Variants in ZNF717 observed in about 807,000 individuals in gnomAD.
The protein encoded by ZNF717 is krueppel-like factor X17.
A neutral mutation model predicts 13.8 loss-of-function variants in ZNF717; 9 were observed. That is an observed-to-expected ratio of 0.65 (90% CI 0.39 to 1.14). ZNF717 has a LOEUF of 1.14. ZNF717 is among the 50% of genes most tolerant of loss of function. The probability of loss-of-function intolerance (pLI) is 0.01; values close to 1 mark genes in which losing one functional copy is unlikely to be tolerated. For missense variants in ZNF717, 1,040 were observed against 1,080.7 expected (o/e 0.96, Z 0.53); for synonymous variants, 327 against 364.1 (o/e 0.90, Z 1.16).
chr3:75,784,721 A>C (rs1178962213), intron 1 of ZNF717: 1 of 152,212 alleles, frequency 6.6e-6, no homozygotes, highest in Non-Finnish European at 1.5e-5. Flanking sequence ...AGTCTTTGCA[A>C]ATCTTGTGCA....
chr3:75,731,543 A>G (rs1938551016), downstream of ZNF717, among the ~76,000 whole-genome samples: 1 of 148,058 alleles, frequency 6.8e-6, no homozygotes, highest in Admixed American at 6.9e-5. Flanking sequence ...CCTGAGCAAC[A>G]AAGTGAGAGT....
intron 6 of ZNF717, among the ~76,000 whole-genome samples, chr3:75,700,388 ATC>A (rs1456419218): frequency 3.5e-3 from 178 of 51,428 alleles, no homozygotes; most frequent in Admixed American, 4.4e-3. Context: ...GTGAGACACC[ATC>A]GAAAAAAAAA....
At chr3:75,774,200 A>AAAAAGAAAGAAAG (rs1227599777) in intron 2 of ZNF717, among the ~76,000 whole-genome samples, 265 of 142,598 alleles carry the variant, frequency 1.9e-3, no homozygotes, top group African/African-American at 4.8e-3. Flanking sequence ...AAAAAAAAAA[A>AAAAAGAAAGAAAG]AAAGGAAAAA....
Position 75,783,375 on chromosome 3 carries a change from A to T in ZNF717, c.-2-11T>A. 1 of 1,550,370 alleles carries T rather than the reference A, an allele frequency of 6.5e-7. No individual in the cohort carries two copies. Among genetic ancestry groups the T allele is most frequent in the South Asian group, 1.2e-5 (1 of 84,020 alleles). On this transcript the variant is annotated splice_polypyrimidine_tract_variant and intron_variant, in intron 1 of 4. Transcript: ENST00000652011. ...ACACTGGAAACATAGCTGAGAGAGA[A>T]GGCAAATGACGTGAATTAAGGAGAG...
chr3:75,760,393 A>G (rs1041686074), intron 2 of ZNF717, among the ~76,000 whole-genome samples: 3 of 152,250 alleles, frequency 2.0e-5, no homozygotes, highest in Non-Finnish European at 4.4e-5. Flanking sequence ...TGCTTAAAAT[A>G]TTATAAAAAC....
At chr3:75,758,142 A>G (rs1346121706) in intron 2 of ZNF717, among the ~76,000 whole-genome samples, 2 of 147,422 alleles carry the variant, frequency 1.4e-5, no homozygotes, top group Admixed American at 1.4e-4. Context: ...AAAAAGAGAG[A>G]GAGATAAGTT....
chr3:75,702,650 G>T (rs1273368348), intron 6 of ZNF717, among the ~76,000 whole-genome samples: 25 of 151,626 alleles, frequency 1.6e-4, no homozygotes, highest in Admixed American at 3.9e-4. Context: ...AGCTATAAAT[G>T]CTTGAGGGAT....
At chr3:75,695,579 T>C (rs1308872654) in intron 6 of ZNF717, among the ~76,000 whole-genome samples, 17 of 151,938 alleles carry the variant, frequency 1.1e-4, no homozygotes, top group Admixed American at 3.9e-4. Flanking sequence ...ATATGTTAAG[T>C]AACAAGTCTA....
chr3:75,696,594 C>T (rs1937605383), intron 6 of ZNF717, among the ~76,000 whole-genome samples: 1 of 151,362 alleles, frequency 6.6e-6, no homozygotes, highest in Non-Finnish European at 1.5e-5. Context: ...TGATACATCA[C>T]ATAAACAGAA....
chr3:75,727,158 T>C (rs368290359), downstream of ZNF717, among the ~76,000 whole-genome samples: 7 of 152,384 alleles, frequency 4.6e-5, no homozygotes, highest in African/African-American at 1.4e-4. Context: ...AATCCCGTCA[T>C]CTTCATAAGC....
chr3:75,762,437 T>A (rs1943113913), intron 2 of ZNF717, among the ~76,000 whole-genome samples: 1 of 80,814 alleles, frequency 1.2e-5, no homozygotes, highest in South Asian at 3.3e-4. Flanking sequence ...CAAGACTCCA[T>A]CTCAAAAAAA....
At chr3:75,715,360 TTTAAA>T (rs1938025887) in intron 5 of ZNF717, among the ~76,000 whole-genome samples, 1 of 152,226 alleles carries the variant, frequency 6.6e-6, no homozygotes, top group South Asian at 2.1e-4. Flanking sequence ...TTTCAGCGGT[TTTAAA>T]TTATTTATAA....
rs548653327 is a variant in ZNF717, at chr3:75,785,401, C to A, written c.-20G>T. 273 of 153,204 alleles carry A rather than the reference C, an allele frequency of 1.8e-3. No individual in the cohort carries two copies. The highest frequency in any genetic ancestry group is 5.9e-3 in the African/African-American group (246 of 41,600). The allele number at this position is 153,204 out of a possible 1,614,324, so 9.5% of individuals were successfully genotyped here. The stretch of plus-strand genomic sequence containing the variant: ...GCCTGCACCTGCACTTCAGGCCCTG[C>A]CCGCCCGCGATGCGCCCACGCGTCT... On this transcript the variant is annotated 5_prime_UTR_variant, in exon 1 of 5. Coordinates refer to ENST00000652011, the MANE Select transcript of ZNF717 (RefSeq NM_001290208.3).
chr3:75,707,563 T>C (rs1267899307), downstream of ZNF717, among the ~76,000 whole-genome samples: 3 of 152,274 alleles, frequency 2.0e-5, no homozygotes, highest in African/African-American at 7.2e-5. Flanking sequence ...CCATTTGAGG[T>C]ACCGGGTTCA....
chr3:75,746,224 T>C (rs2107294580), intron 2 of ZNF717, among the ~76,000 whole-genome samples: 1 of 152,342 alleles, frequency 6.6e-6, no homozygotes, highest in African/African-American at 2.4e-5. Flanking sequence ...TATGGCTGCA[T>C]AGTATTCCAT....
intron 2 of ZNF717, among the ~76,000 whole-genome samples, chr3:75,764,993 A>ATATATATATATATATATG: frequency 7.7e-5 from 1 of 12,950 alleles, no homozygotes; most frequent in Non-Finnish European, 1.8e-4. Flanking sequence ...ACAAAAGGAT[A>ATATATATATATATATATG]TATATATATA....
chr3:75,740,671 A>G (rs1940286704), intron 4 of ZNF717, among the ~76,000 whole-genome samples: 1 of 151,844 alleles, frequency 6.6e-6, no homozygotes, highest in South Asian at 2.1e-4. Flanking sequence ...ATCTCCACAA[A>G]CAATAAAAAA....
chr3:75,733,277 G>A (rs1938751069), downstream of ZNF717, among the ~76,000 whole-genome samples: 1 of 152,170 alleles, frequency 6.6e-6, no homozygotes, highest in African/African-American at 2.4e-5. Context: ...AGAAATAGAA[G>A]AAACATCTGC....
chr3:75,781,639 T>C (rs56085343), intron 2 of ZNF717, among the ~76,000 whole-genome samples: 39,858 of 152,058 alleles, frequency 0.26, 5,727 homozygotes, highest in African/African-American at 0.39. Flanking sequence ...CCTTCATTTA[T>C]AAGACATCAA....
Sources: gnomAD v4.1 joint callset for allele counts (sites outside exome capture counted in the v4.1 genomes callset) on GRCh38, gnomAD v4.1.1 for gene constraint, MANE v1.5 for transcripts, NCBI Gene and HGNC (gene_info 2026-07-23, HGNC 2026-07-21) for gene names.